SH3PXD2A: variants seen among roughly 807,000 people sequenced by gnomAD.
SH3PXD2A encodes SH3 and PX domains 2A.
In SH3PXD2A, 32 loss-of-function variants were observed where a neutral mutation model predicts 115.2. The observed-to-expected ratio is 0.28, with a 90% CI of 0.21 to 0.37. The LOEUF (loss-of-function observed/expected upper bound fraction) is 0.37. SH3PXD2A is among the 10% of genes least tolerant of loss of function. SH3PXD2A has a pLI of 1.00. For missense variants in SH3PXD2A, 1,328 were observed against 1,498.7 expected (o/e 0.89, Z 1.88); for synonymous variants, 610 against 629.1 (o/e 0.97, Z 0.45).
chr10:103,636,340 C>T (rs1399427288), intron 8 of SH3PXD2A, among the ~76,000 whole-genome samples: 10 of 148,640 alleles, frequency 6.7e-5, no homozygotes, highest in African/African-American at 2.2e-4. Context: ...ACCTGAGAGG[C>T]GGAGCTTGCA....
At chr10:103,726,328 A>G (rs2038241093) in intron 4 of SH3PXD2A, among the ~76,000 whole-genome samples, 1 of 152,114 alleles carries the variant, frequency 6.6e-6, no homozygotes, top group African/African-American at 2.4e-5. Context: ...TAAGTCTGTG[A>G]GTGTCGTTCC....
intron 5 of SH3PXD2A, among the ~76,000 whole-genome samples, chr10:103,712,548 C>T (rs534624037): frequency 6.6e-6 from 1 of 152,338 alleles, no homozygotes; most frequent in East Asian, 1.9e-4. Context: ...CTTGGAGCTC[C>T]TGAGGCTGGG....
At position 103,601,724 on chromosome 10, in the gene SH3PXD2A, C is replaced by T; in HGVS notation, c.*92G>A. On this transcript the variant is annotated 3_prime_UTR_variant, in exon 15 of 15. Coordinates refer to ENST00000369774, the MANE Select transcript of SH3PXD2A (RefSeq NM_001394015.1). Reference sequence around the variant, plus strand: ...TGTTGTCCACCCCCCACCCCCCACCCCCATTTTTTCCTTTCCCTTTTGTTC... The same window carrying T: ...TGTTGTCCACCCCCCACCCCCCACCTCCATTTTTTCCTTTCCCTTTTGTTC... 5.1e-6 allele frequency: 1 copy of T among 196,706 alleles called. No homozygotes were observed. The highest frequency in any genetic ancestry group is 1.0e-5 in the Non-Finnish European group (1 of 97,944). 12.2% of individuals were successfully genotyped at this position (196,706 alleles called of 1,614,324 possible).
intron 5 of SH3PXD2A, among the ~76,000 whole-genome samples, chr10:103,698,682 A>C (rs944140446): frequency 1.3e-5 from 2 of 152,176 alleles, no homozygotes; most frequent in African/African-American, 4.8e-5. Context: ...CTCTCGCTGT[A>C]GGCAACCTCA....
chr10:103,602,694 C>T lies in SH3PXD2A; in HGVS notation c.2524G>A (p.Ala842Thr). 1 of 1,614,162 alleles carries T rather than the reference C, an allele frequency of 6.2e-7. No homozygotes were observed. Among genetic ancestry groups the T allele is most frequent in the East Asian group, 2.2e-5 (1 of 44,870 alleles). The change falls in exon 15 of 15, where the codon GCC (alanine) becomes ACC (threonine). Residue 842 changes from alanine to threonine, a missense_variant. Physicochemically the swap from Ala to Thr is moderately conservative, Grantham distance 58 (BLOSUM62 0). Transcript: ENST00000369774. The stretch of plus-strand genomic sequence containing the variant: ...GCGCTGCATGTCATGTACGAGGTGG[C>T]TGGCCCTTCCCATTCCTTCTTGGTG... ...CPTKKEWEGPATSYMTCSAYQ... is the reference protein window; with the variant it reads ...CPTKKEWEGPTTSYMTCSAYQ...
chr10:103,614,123 T>C (rs1226262076), intron 11 of SH3PXD2A, among the ~76,000 whole-genome samples: 2 of 151,354 alleles, frequency 1.3e-5, no homozygotes, highest in African/African-American at 2.4e-5. Flanking sequence ...GGTGTGATGG[T>C]GCATACCTGT....
At chr10:103,818,090 G>C (rs1217387814) in intron 1 of SH3PXD2A, among the ~76,000 whole-genome samples, 1 of 152,216 alleles carries the variant, frequency 6.6e-6, no homozygotes, top group East Asian at 1.9e-4. Flanking sequence ...TTTCAGCAAA[G>C]CTATTGTTTA....
chr10:103,850,646 T>C (rs1165678846), intron 1 of SH3PXD2A, among the ~76,000 whole-genome samples: 3 of 152,158 alleles, frequency 2.0e-5, no homozygotes, highest in African/African-American at 4.8e-5. Flanking sequence ...AATGCTCAGC[T>C]CCAGGAACCC....
chr10:103,608,167 A>AAGTTTAC (rs2036361079), intron 13 of SH3PXD2A, among the ~76,000 whole-genome samples: 15 of 139,334 alleles, frequency 1.1e-4, no homozygotes, highest in East Asian at 6.0e-4. Flanking sequence ...AAAAAAAAAA[A>AAGTTTAC]AAAGAACACA....
At chr10:103,685,443 C>T (rs2037665431) in intron 6 of SH3PXD2A, among the ~76,000 whole-genome samples, 1 of 151,906 alleles carries the variant, frequency 6.6e-6, no homozygotes, top group Non-Finnish European at 1.5e-5. Context: ...AGACCACCTA[C>T]CCTGGTTGTT....
chr10:103,669,462 G>A (rs2037428908), intron 6 of SH3PXD2A, among the ~76,000 whole-genome samples: 1 of 152,230 alleles, frequency 6.6e-6, no homozygotes, highest in Admixed American at 6.5e-5. Flanking sequence ...ATCTGAATGA[G>A]GCAGAAAGCT....
intron 8 of SH3PXD2A, among the ~76,000 whole-genome samples, chr10:103,649,070 C>T (rs1265397809): frequency 6.6e-6 from 1 of 152,178 alleles, no homozygotes; most frequent in African/African-American, 2.4e-5. Flanking sequence ...GAAGGCTTGC[C>T]AACATGGTCA....
intron 2 of SH3PXD2A, among the ~76,000 whole-genome samples, chr10:103,776,018 C>A (rs2038874455): frequency 6.6e-6 from 1 of 152,190 alleles, no homozygotes; most frequent in South Asian, 2.1e-4. Context: ...AGGGGAGCAT[C>A]TGTTTCCTTG....
intron 8 of SH3PXD2A, among the ~76,000 whole-genome samples, chr10:103,657,076 C>A (rs1204453063): frequency 1.3e-5 from 2 of 151,944 alleles, no homozygotes; most frequent in African/African-American, 4.8e-5. Flanking sequence ...TTCTCAAATT[C>A]TTCCCAAGGT....
chr10:103,855,178 G>C lies in SH3PXD2A; in HGVS notation c.72+17C>G, dbSNP rs903467071. On this transcript the variant is annotated intron_variant, in intron 1 of 14. Coordinates refer to ENST00000369774, the MANE Select transcript of SH3PXD2A (RefSeq NM_001394015.1). ...CCTCGGGCCACCCCCAGCAGGGTCGGCGGGGGCTGTACTCACGTAGTGCTT... is the reference window on the plus strand; with the variant it reads ...CCTCGGGCCACCCCCAGCAGGGTCGCCGGGGGCTGTACTCACGTAGTGCTT... 6.6e-6 allele frequency: 10 copies of C among 1,519,756 alleles called. No individual in the cohort carries two copies. The African/African-American group carries it at 8.4e-5, about 13-fold the overall frequency. The allele number at this position is 1,519,756 out of a possible 1,614,324, so 94.1% of individuals were successfully genotyped here. A position where few individuals can be genotyped will look rare whatever the true frequency, so the allele number is the denominator to read the frequency against.
chr10:103,733,356 A>G (rs1375904535), intron 4 of SH3PXD2A, among the ~76,000 whole-genome samples: 1 of 152,218 alleles, frequency 6.6e-6, no homozygotes, highest in Admixed American at 6.5e-5. Flanking sequence ...TTGGAGCCCA[A>G]CTGCAGATGC....
Position 103,693,047 on chromosome 10 carries a change from G to A in SH3PXD2A, c.408C>T (p.Gly136=). The change falls in exon 6 of 15, where the codon GGC becomes GGT. Residue 136 remains glycine, a synonymous_variant. Coordinates refer to ENST00000369774, the MANE Select transcript of SH3PXD2A (RefSeq NM_001394015.1). ...EDVNPPKEDY[G]SSKRKSVWLS... is the part of the protein sequence containing the mutation. ...CCTTACCTGATTTCCTCTTGGAACT[G>A]CCATAGTCCCTGAAAAAGAAGCAAC... The A allele has an allele frequency of 6.2e-7, 1 of 1,613,480 alleles. No homozygotes were observed. The highest frequency in any genetic ancestry group is 8.5e-7 in the Non-Finnish European group (1 of 1,179,582).
rs556171723 is a variant in SH3PXD2A at position 103,748,519 on chromosome 10, G to A, written c.230-12711C>T. ...CTGTGCTGGGGGCTGGGCTGTGATG[G>A]TGACGGTCCCTGCCCTCGCAAAGGA... On this transcript the variant is annotated intron_variant, in intron 3 of 14. Transcript: ENST00000369774. 3.3e-5 allele frequency among the ~76,000 whole-genome samples: 5 copies of A among 152,336 alleles called. No individual in the cohort carries two copies. In the East Asian group the frequency reaches 9.6e-4, roughly 29 times the overall value.
intron 2 of SH3PXD2A, among the ~76,000 whole-genome samples, chr10:103,793,688 G>A (rs1217347547): frequency 6.6e-6 from 1 of 152,212 alleles, no homozygotes; most frequent in Non-Finnish European, 1.5e-5. Context: ...GGAGCTCTCT[G>A]CAATCCTTGG....
Sources: gnomAD v4.1 joint callset for allele counts (sites outside exome capture counted in the v4.1 genomes callset) on GRCh38, gnomAD v4.1.1 for gene constraint, MANE v1.5 for transcripts, NCBI Gene and HGNC (gene_info 2026-07-23, HGNC 2026-07-21) for gene names.